Variants in ROBO2 observed in about 807,000 individuals in gnomAD.
ROBO2 encodes roundabout homolog 2.
Under a neutral mutation model 160.8 loss-of-function variants are expected in ROBO2, and 53 were observed. The ratio of observed to expected loss-of-function variants is 0.33; its 90% CI spans 0.26 to 0.41. The LOEUF (loss-of-function observed/expected upper bound fraction) is 0.41. Ranked by LOEUF, ROBO2 falls within the 10% of genes least tolerant of loss-of-function variation. The pLI is 1.00. For missense variants in ROBO2, 1,577 were observed against 1,722.4 expected (o/e 0.92, Z 1.49); for synonymous variants, 664 against 611.7 (o/e 1.09, Z -1.26).
At chr3:76,374,736 G>C (rs1452380912) in intron 2 of ROBO2, among the ~76,000 whole-genome samples, 4 of 151,944 alleles carry the variant, frequency 2.6e-5, no homozygotes, top group Non-Finnish European at 5.9e-5. Context: ...GTTATAGAAA[G>C]CTGTTTTGAG....
intron 2 of ROBO2, among the ~76,000 whole-genome samples, chr3:77,472,895 C>T (rs2083497834): frequency 6.6e-6 from 1 of 151,942 alleles, no homozygotes; most frequent in Non-Finnish European, 1.5e-5. Context: ...GAAACTGATA[C>T]CCTGAAATAT....
At chr3:77,230,983 A>T (rs2151284012) in intron 2 of ROBO2, among the ~76,000 whole-genome samples, 1 of 152,322 alleles carries the variant, frequency 6.6e-6, no homozygotes, top group African/African-American at 2.4e-5. Context: ...AAAAGAAAAC[A>T]ATTTGTGTGA....
At chr3:77,233,886 A>G (rs2087571218) in intron 2 of ROBO2, among the ~76,000 whole-genome samples, 1 of 152,224 alleles carries the variant, frequency 6.6e-6, no homozygotes, top group African/African-American at 2.4e-5. Context: ...GTGAATCCAC[A>G]CAGCATACAA....
At chr3:77,387,450 C>A (rs1581557667) in intron 2 of ROBO2, among the ~76,000 whole-genome samples, 1 of 151,868 alleles carries the variant, frequency 6.6e-6, no homozygotes. Context: ...TCCAGTTGGT[C>A]TTAGGTCGCT....
intron 2 of ROBO2, among the ~76,000 whole-genome samples, chr3:76,160,855 A>G (rs73844507): frequency 0.02 from 3,026 of 152,258 alleles, 119 homozygotes; most frequent in African/African-American, 0.069. Flanking sequence ...TTCTCGTGAA[A>G]TTCACAGTTC....
chr3:77,473,585 C>CT (rs1296126518), intron 2 of ROBO2, among the ~76,000 whole-genome samples: 3 of 150,838 alleles, frequency 2.0e-5, no homozygotes, highest in Non-Finnish European at 4.4e-5. Flanking sequence ...TCCCGAGTAG[C>CT]TGGGACTACA....
At chr3:76,676,061 T>A (rs576894131) in intron 2 of ROBO2, among the ~76,000 whole-genome samples, 1 of 152,194 alleles carries the variant, frequency 6.6e-6, no homozygotes, top group African/African-American at 2.4e-5. Flanking sequence ...AAAAGGGAAA[T>A]TTAGAAAGCA....
At position 76,358,879 on chromosome 3, in the gene ROBO2, G is replaced by A. The variant is rs959673103; in HGVS notation, c.109+421277G>A. Among the ~76,000 whole-genome samples, 9 of 150,288 alleles carry A rather than the reference G, an allele frequency of 6.0e-5. No individual in the cohort carries two copies. The East Asian group carries it at 8.0e-4, about 13-fold the overall frequency. On this transcript the variant is annotated intron_variant, in intron 2 of 26. Transcript: ENST00000487694. ...GCTGGTGTGCTGCACCCATTAACTC[G>A]TCATTTAGCATTAGGTATATCTCCT...
intron 1 of ROBO2, among the ~76,000 whole-genome samples, chr3:77,075,786 C>T (rs4455353): frequency 0.068 from 9,621 of 141,688 alleles, 329 homozygotes; most frequent in East Asian, 0.14. Flanking sequence ...TCAAGTGATT[C>T]TCTTCCTCAG....
chr3:77,540,747 T>A (rs1360601821), intron 6 of ROBO2, among the ~76,000 whole-genome samples: 3 of 152,116 alleles, frequency 2.0e-5, no homozygotes, highest in African/African-American at 4.8e-5. Context: ...CCAAAATAAA[T>A]TAATAAAGCT....
At chr3:76,426,290 A>G (rs1001171274) in intron 2 of ROBO2, among the ~76,000 whole-genome samples, 7 of 152,184 alleles carry the variant, frequency 4.6e-5, no homozygotes, top group African/African-American at 7.2e-5. Context: ...TAGCTTTAAA[A>G]TTCAATGTGC....
intron 1 of ROBO2, among the ~76,000 whole-genome samples, chr3:77,056,586 C>T (rs1023954619): frequency 6.6e-6 from 1 of 151,912 alleles, no homozygotes; most frequent in Admixed American, 6.6e-5. Context: ...ATATAGAGAA[C>T]TGAGCATTTA....
At chr3:76,255,412 A>G (rs994906886) in intron 2 of ROBO2, among the ~76,000 whole-genome samples, 3 of 152,084 alleles carry the variant, frequency 2.0e-5, no homozygotes, top group Admixed American at 1.3e-4. Context: ...TAATAAGATT[A>G]TCTGTGAAAG....
At chr3:77,342,560 A>G (rs2067182545) in intron 2 of ROBO2, among the ~76,000 whole-genome samples, 1 of 152,170 alleles carries the variant, frequency 6.6e-6, no homozygotes, top group Non-Finnish European at 1.5e-5. Context: ...GCGTCTGAAT[A>G]TCTTTTTCCT....
chr3:76,733,109 C>T (rs1281001271), intron 2 of ROBO2, among the ~76,000 whole-genome samples: 2 of 152,032 alleles, frequency 1.3e-5, no homozygotes, highest in Non-Finnish European at 2.9e-5. Context: ...GAGAGATATT[C>T]ACTGGCTTGG....
rs572112962 is a variant in ROBO2 at position 76,400,467 on chromosome 3, G to A, written c.109+462865G>A. The stretch of plus-strand genomic sequence containing the variant: ...TAGTTGAAGAATATTCAAATTTATG[G>A]GTTTTGCAAAAATTCTATTATTGGT... On this transcript the variant is annotated intron_variant, in intron 2 of 26. Transcript: ENST00000487694. 4.6e-5 allele frequency among the ~76,000 whole-genome samples: 7 copies of A among 151,418 alleles called. No individual in the cohort carries two copies. In the South Asian group the frequency reaches 1.5e-3, roughly 31 times the overall value.
At chr3:75,962,568 A>G (rs964071837) in intron 2 of ROBO2, among the ~76,000 whole-genome samples, 7 of 151,710 alleles carry the variant, frequency 4.6e-5, no homozygotes, top group Admixed American at 4.6e-4. Context: ...ATTTCAAGTT[A>G]TCTTTGCCTC....
rs548460989 is a variant in ROBO2, at chr3:76,419,924, T to C, written c.109+482322T>C. ...TCAGTAGGTGGAAAGGCCATTCCATTTGGAATAAAAAATACACCGTAATCA... is the reference window on the plus strand; with the variant it reads ...TCAGTAGGTGGAAAGGCCATTCCATCTGGAATAAAAAATACACCGTAATCA... On this transcript the variant is annotated intron_variant, in intron 2 of 26. Coordinates refer to the ROBO2 transcript ENST00000487694. Among the ~76,000 whole-genome samples the C allele has an allele frequency of 5.0e-4, 76 of 152,320 alleles. 1 individual carries two copies. The highest frequency in any genetic ancestry group is 1.8e-3 in the African/African-American group (75 of 41,580).
intron 2 of ROBO2, among the ~76,000 whole-genome samples, chr3:76,130,004 A>C (rs1450920409): frequency 6.6e-6 from 1 of 152,104 alleles, no homozygotes; most frequent in African/African-American, 2.4e-5. Flanking sequence ...AAGGTTTTCA[A>C]CTGCTCGTCA....
Sources: gnomAD v4.1 joint callset for allele counts (sites outside exome capture counted in the v4.1 genomes callset) on GRCh38, gnomAD v4.1.1 for gene constraint, MANE v1.5 for transcripts, NCBI Gene and HGNC (gene_info 2026-07-23, HGNC 2026-07-21) for gene names.